The following LIPI variants were observed in gnomAD, a reference collection of about 807,000 sequenced individuals.
LIPI encodes lipase member I.
Under a neutral mutation model 50.6 loss-of-function variants are expected in LIPI, and 59 were observed. The ratio of observed to expected loss-of-function variants is 1.16; its 90% CI spans 0.94 to 1.45. The LOEUF (loss-of-function observed/expected upper bound fraction) is 1.45, where lower values mean the gene tolerates loss of function less well. Ranked by LOEUF, LIPI falls within the 40% of genes most tolerant of loss-of-function variation. The pLI is 0.00. For synonymous variants in LIPI, 203 were observed against 178.2 expected (o/e 1.14, Z -1.11); for missense variants, 586 against 536.3 (o/e 1.09, Z -0.92).
intron 4 of LIPI, among the ~76,000 whole-genome samples, chr21:14,173,136 C>T (rs529200305): frequency 5.9e-5 from 9 of 152,246 alleles, no homozygotes; most frequent in Admixed American, 5.2e-4. Context: ...GCGGTGACCC[C>T]AGTGGATATT....
intron 3 of LIPI, among the ~76,000 whole-genome samples, chr21:14,182,857 G>A (rs1457501778): frequency 6.6e-6 from 1 of 152,124 alleles, no homozygotes; most frequent in Non-Finnish European, 1.5e-5. Context: ...ACAAATGGAA[G>A]AACATTCCAT....
At chr21:14,158,490 C>G (rs1251900452) in intron 7 of LIPI, among the ~76,000 whole-genome samples, 3 of 150,934 alleles carry the variant, frequency 2.0e-5, no homozygotes, top group Non-Finnish European at 4.4e-5. Context: ...GAAGAAATAT[C>G]TGAGGCCAAT....
intron 7 of LIPI, among the ~76,000 whole-genome samples, chr21:14,154,746 G>T (rs1359981364): frequency 3.3e-5 from 5 of 151,984 alleles, no homozygotes; most frequent in African/African-American, 4.8e-5. Context: ...TAAGTTAGTC[G>T]CTGAGAAAAT....
intron 3 of LIPI, among the ~76,000 whole-genome samples, chr21:14,185,443 C>G (rs1457519230): frequency 6.6e-6 from 1 of 152,150 alleles, no homozygotes; most frequent in Non-Finnish European, 1.5e-5. Context: ...TCTCCCATTT[C>G]CATTTGGGTA....
At chr21:14,181,267 G>T (rs2019259549) in intron 4 of LIPI, among the ~76,000 whole-genome samples, 1 of 152,156 alleles carries the variant, frequency 6.6e-6, no homozygotes, top group Non-Finnish European at 1.5e-5. Flanking sequence ...CCCTGTTAGA[G>T]ATTTTCAGCT....
chr21:14,197,682 A>G (rs898180855), intron 1 of LIPI, among the ~76,000 whole-genome samples: 9 of 152,124 alleles, frequency 5.9e-5, no homozygotes, highest in African/African-American at 2.2e-4. Flanking sequence ...ATAGAACAAA[A>G]TTGGAAAACA....
chr21:14,141,287 T>C (rs2822428), intron 9 of LIPI, among the ~76,000 whole-genome samples: 46,184 of 151,884 alleles, frequency 0.3, 7,251 homozygotes, highest in Middle Eastern at 0.36. Flanking sequence ...TCTATTTTTA[T>C]ATCTCCTTAT....
chr21:14,120,094 G>A (rs1368725653), intron 9 of LIPI, among the ~76,000 whole-genome samples: 1 of 152,206 alleles, frequency 6.6e-6, no homozygotes, highest in Admixed American at 6.5e-5. Context: ...CCCGTTATGT[G>A]CCCCAGGGTA....
intron 9 of LIPI, among the ~76,000 whole-genome samples, chr21:14,142,616 G>C (rs1415738860): frequency 6.6e-6 from 1 of 151,222 alleles, no homozygotes; most frequent in Non-Finnish European, 1.5e-5. Context: ...CTTAGCAGCT[G>C]GGACTACAGG....
At chr21:14,172,709 A>G (rs1489502541) in intron 4 of LIPI, among the ~76,000 whole-genome samples, 13 of 150,820 alleles carry the variant, frequency 8.6e-5, no homozygotes, top group Admixed American at 8.6e-4. Flanking sequence ...CACTCTGGGG[A>G]CTGTTGTGGG....
intron 1 of LIPI, among the ~76,000 whole-genome samples, chr21:14,197,924 A>C (rs2019918231): frequency 1.3e-5 from 2 of 152,174 alleles, no homozygotes; most frequent in Admixed American, 6.6e-5. Context: ...AGCACCTTTC[A>C]GCTGAAACCC....
chr21:14,200,223 T>C (rs2123328775), intron 1 of LIPI, among the ~76,000 whole-genome samples: 1 of 152,136 alleles, frequency 6.6e-6, no homozygotes, highest in South Asian at 2.1e-4. Flanking sequence ...ACCACTCCTG[T>C]TCAACATAGT....
At chr21:14,123,255 A>C (rs761900834) in intron 9 of LIPI, among the ~76,000 whole-genome samples, 14 of 152,240 alleles carry the variant, frequency 9.2e-5, no homozygotes, top group Non-Finnish European at 1.9e-4. Flanking sequence ...TATTTTGAAG[A>C]GTCTAAGAAC....
intron 9 of LIPI, among the ~76,000 whole-genome samples, chr21:14,112,669 T>G (rs1015063484): frequency 2.6e-5 from 4 of 152,114 alleles, no homozygotes; most frequent in Admixed American, 1.3e-4. Context: ...TCTTTGAGAA[T>G]GTTATATTAA....
chr21:14,174,216 G>A (rs2019015801), intron 4 of LIPI, among the ~76,000 whole-genome samples: 1 of 152,162 alleles, frequency 6.6e-6, no homozygotes, highest in African/African-American at 2.4e-5. Flanking sequence ...ATTCAGGCAT[G>A]TCATTTCCCT....
chr21:14,175,365 CT>C (rs2019057546), intron 4 of LIPI, among the ~76,000 whole-genome samples: 1 of 152,040 alleles, frequency 6.6e-6, no homozygotes, highest in African/African-American at 2.4e-5. Context: ...ACTTTAAAAA[CT>C]TTTTATATGT....
chr21:14,168,622 T>A (rs1161640536), intron 4 of LIPI, among the ~76,000 whole-genome samples: 1 of 152,078 alleles, frequency 6.6e-6, no homozygotes, highest in Non-Finnish European at 1.5e-5. Flanking sequence ...CTAAGCTTCA[T>A]AAGTGAAGGA....
chr21:14,123,256 G>GTCTA (rs1331803280), intron 9 of LIPI, among the ~76,000 whole-genome samples: 1 of 152,200 alleles, frequency 6.6e-6, no homozygotes, highest in African/African-American at 2.4e-5. Context: ...ATTTTGAAGA[G>GTCTA]TCTAAGAACA....
At chr21:14,109,532 C>A (rs1242208353) in intron 9 of LIPI, among the ~76,000 whole-genome samples, 1 of 151,988 alleles carries the variant, frequency 6.6e-6, no homozygotes, top group African/African-American at 2.4e-5. Context: ...CTAAAGTATT[C>A]TATATCTTGG....
Sources: gnomAD v4.1 joint callset for allele counts (sites outside exome capture counted in the v4.1 genomes callset) on GRCh38, gnomAD v4.1.1 for gene constraint, MANE v1.5 for transcripts, NCBI Gene and HGNC (gene_info 2026-07-23, HGNC 2026-07-21) for gene names.